The following LINGO2 variants were observed in gnomAD, a reference collection of about 807,000 sequenced individuals.
The protein encoded by LINGO2 is leucine rich repeat and Ig domain containing 2.
LINGO2 carries 14 observed loss-of-function variants against 30.6 expected under a neutral mutation model. The ratio of observed to expected loss-of-function variants is 0.46; its 90% CI spans 0.30 to 0.72. The LOEUF is 0.72. Among genes scored for constraint, LINGO2 ranks in the 30% least tolerant of loss-of-function variants. The pLI is 0.07. For synonymous variants in LINGO2, 317 were observed against 288.5 expected (o/e 1.10, Z -1.00); for missense variants, 729 against 751.7 (o/e 0.97, Z 0.35).
At chr9:29,152,679 C>T in the LINGO2 span, among the ~76,000 whole-genome samples, 3 of 152,138 alleles carry the variant, frequency 2.0e-5, no homozygotes, top group Admixed American at 6.5e-5. Flanking sequence ...TGAAAAACTA[C>T]CTGTTGCATA....
At chr9:28,135,143 A>G (rs1385294992) in intron 4 of LINGO2, among the ~76,000 whole-genome samples, 1 of 152,212 alleles carries the variant, frequency 6.6e-6, no homozygotes, top group African/African-American at 2.4e-5. Context: ...ATAAAAAACA[A>G]TCTCAAGAAA....
intron 1 of LINGO2, among the ~76,000 whole-genome samples, chr9:28,656,056 A>G (rs988596309): frequency 2.0e-5 from 3 of 152,124 alleles, no homozygotes; most frequent in African/African-American, 7.2e-5. Context: ...GGCTGTAAAT[A>G]TAGGTGTCAA....
At chr9:28,785,788 G>T in the LINGO2 span, among the ~76,000 whole-genome samples, 1 of 152,130 alleles carries the variant, frequency 6.6e-6, no homozygotes, top group East Asian at 1.9e-4. Context: ...TATATAAGCT[G>T]ATGAAGGCTT....
intron 3 of LINGO2, among the ~76,000 whole-genome samples, chr9:28,302,812 T>C (rs1824199304): frequency 6.6e-6 from 1 of 152,206 alleles, no homozygotes; most frequent in South Asian, 2.1e-4. Context: ...TCACATTGTA[T>C]GCTTTACATA....
At chr9:28,955,809 G>GATGT in the LINGO2 span, among the ~76,000 whole-genome samples, 27 of 151,978 alleles carry the variant, frequency 1.8e-4, no homozygotes, top group African/African-American at 4.6e-4. Context: ...AACCACTTTG[G>GATGT]ATGTATGTAT....
At chr9:28,198,212 T>C (rs12005064) in intron 4 of LINGO2, among the ~76,000 whole-genome samples, 1,750 of 151,112 alleles carry the variant, frequency 0.012, 46 homozygotes, top group African/African-American at 0.041. Context: ...CAATGTTTTA[T>C]TAAAAAATGA....
chr9:28,257,184 T>C (rs932958608), intron 4 of LINGO2, among the ~76,000 whole-genome samples: 1 of 151,878 alleles, frequency 6.6e-6, no homozygotes, highest in South Asian at 2.1e-4. Context: ...ATTAGATGAC[T>C]GGAAGTAGAA....
In LINGO2 at chr9:28,018,721, AGGGGGCACTTATACATTGCTG is replaced by A. The variant is rs1458597477; in HGVS notation, c.-86-6337_-86-6317del. 5.9e-5 allele frequency among the ~76,000 whole-genome samples: 9 copies of A among 152,286 alleles called. No homozygotes were observed. In the South Asian group the frequency reaches 1.9e-3, roughly 32 times the overall value. On this transcript the variant is annotated intron_variant, in intron 4 of 5. Coordinates refer to ENST00000379992, the Ensembl canonical transcript of LINGO2. ...AGATGAAGGCAAGGTTGAAGAGAAA[AGGGGGCACTTATACATTGCTG>A]GGGGGAATGTAAATTAGTTCAGCTA... is the stretch of plus-strand genomic sequence containing the variant.
chr9:28,501,558 T>C (rs1819886855), intron 1 of LINGO2, among the ~76,000 whole-genome samples: 1 of 152,140 alleles, frequency 6.6e-6, no homozygotes, highest in African/African-American at 2.4e-5. Context: ...GTGACCACTG[T>C]AATGTGAATG....
At chr9:28,498,071 CG>C (rs1490247494) in intron 1 of LINGO2, among the ~76,000 whole-genome samples, 1 of 152,158 alleles carries the variant, frequency 6.6e-6, no homozygotes, top group Non-Finnish European at 1.5e-5. Context: ...TGCCCCTACT[CG>C]GGGGTGCCTC....
At chr9:28,009,535 A>G (rs948092242) in intron 5 of LINGO2, among the ~76,000 whole-genome samples, 1 of 152,174 alleles carries the variant, frequency 6.6e-6, no homozygotes, top group Admixed American at 6.6e-5. Flanking sequence ...AAATAACCCA[A>G]TTAAAAATAG....
At chr9:28,253,960 T>C (rs1326715416) in intron 4 of LINGO2, among the ~76,000 whole-genome samples, 1 of 152,072 alleles carries the variant, frequency 6.6e-6, no homozygotes, top group Non-Finnish European at 1.5e-5. Context: ...GTCTGTGAAG[T>C]GGGAAGCGTA....
intron 3 of LINGO2, among the ~76,000 whole-genome samples, chr9:28,349,062 A>G (rs1426850120): frequency 1.3e-5 from 2 of 151,914 alleles, no homozygotes; most frequent in Non-Finnish European, 2.9e-5. Context: ...AACAGAACAG[A>G]AAAACTGGAA....
At chr9:28,502,419 G>C (rs1045179101) in intron 1 of LINGO2, among the ~76,000 whole-genome samples, 2 of 151,868 alleles carry the variant, frequency 1.3e-5, no homozygotes, top group African/African-American at 2.4e-5. Flanking sequence ...AGTATTTCCA[G>C]CTTAGACCTT....
At chr9:28,985,452 A>G in the LINGO2 span, among the ~76,000 whole-genome samples, 16 of 152,084 alleles carry the variant, frequency 1.1e-4, no homozygotes, top group African/African-American at 3.9e-4. Flanking sequence ...AATTTTCCAT[A>G]ATGGCTATAA....
chr9:28,797,829 A>C, the LINGO2 span, among the ~76,000 whole-genome samples: 1 of 152,106 alleles, frequency 6.6e-6, no homozygotes, highest in Non-Finnish European at 1.5e-5. Context: ...TAGTTAGAGC[A>C]GTAGAAATGT....
intron 5 of LINGO2, among the ~76,000 whole-genome samples, chr9:27,972,872 C>G (rs1820420745): frequency 6.6e-6 from 1 of 152,206 alleles, no homozygotes; most frequent in Non-Finnish European, 1.5e-5. Context: ...AACTTTAACA[C>G]TTGAATCAGT....
At chr9:29,003,132 C>T in the LINGO2 span, among the ~76,000 whole-genome samples, 2 of 151,962 alleles carry the variant, frequency 1.3e-5, no homozygotes, top group Non-Finnish European at 2.9e-5. Context: ...GGAACAGATT[C>T]TCCCCTAGAG....
intron 1 of LINGO2, among the ~76,000 whole-genome samples, chr9:28,488,038 T>C (rs1359967026): frequency 1.3e-5 from 2 of 152,204 alleles, no homozygotes; most frequent in African/African-American, 2.4e-5. Context: ...CCTGCTGACA[T>C]CTATTTTGAA....
Sources: gnomAD v4.1 joint callset for allele counts (sites outside exome capture counted in the v4.1 genomes callset) on GRCh38, gnomAD v4.1.1 for gene constraint, MANE v1.5 for transcripts, NCBI Gene and HGNC (gene_info 2026-07-23, HGNC 2026-07-21) for gene names.